SLC25A21: variants seen among roughly 807,000 people sequenced by gnomAD.
The protein encoded by SLC25A21 is mitochondrial 2-oxodicarboxylate carrier.
Under a neutral mutation model 43.8 loss-of-function variants are expected in SLC25A21, and 47 were observed. The ratio of observed to expected loss-of-function variants is 1.07; its 90% CI spans 0.85 to 1.37. SLC25A21 has a LOEUF of 1.37. Ranked by LOEUF, SLC25A21 falls within the 40% of genes most tolerant of loss-of-function variation. The pLI is 0.00. For missense variants in SLC25A21, 352 were observed against 350.2 expected (o/e 1.00, Z -0.04); for synonymous variants, 131 against 121.3 (o/e 1.08, Z -0.52).
intron 1 of SLC25A21, among the ~76,000 whole-genome samples, chr14:37,094,516 A>C (rs376455903): frequency 2.3e-4 from 35 of 152,308 alleles, no homozygotes; most frequent in East Asian, 1.7e-3. Context: ...TCAAAATGTA[A>C]AACCAAATGT....
At chr14:36,894,716 C>T (rs1411510792) in intron 1 of SLC25A21, among the ~76,000 whole-genome samples, 2 of 152,144 alleles carry the variant, frequency 1.3e-5, no homozygotes, top group Admixed American at 1.3e-4. Flanking sequence ...TACTTCCCAT[C>T]AATACCTAAT....
chr14:36,826,074 C>T (rs1275440793), intron 2 of SLC25A21, among the ~76,000 whole-genome samples: 1 of 152,192 alleles, frequency 6.6e-6, no homozygotes, highest in Non-Finnish European at 1.5e-5. Flanking sequence ...CTGTACTGGT[C>T]ACCCAAGTGT....
chr14:37,052,824 G>T (rs1313050788), intron 1 of SLC25A21, among the ~76,000 whole-genome samples: 1 of 152,078 alleles, frequency 6.6e-6, no homozygotes, highest in African/African-American at 2.4e-5. Context: ...TTTTAGTAGA[G>T]ATGGGGTTTC....
At chr14:36,747,097 A>C (rs1237067447) in intron 3 of SLC25A21, among the ~76,000 whole-genome samples, 2 of 152,218 alleles carry the variant, frequency 1.3e-5, no homozygotes, top group Non-Finnish European at 2.9e-5. Flanking sequence ...ATCCATATTA[A>C]CAGTTGGAAT....
At position 36,969,557 on chromosome 14, in the gene SLC25A21, T is replaced by C. The variant is rs562311391; in HGVS notation, c.71-94553A>G. ...AGGCTGGAGTGCAGTGGTGCAATCA[T>C]AGAGCACTATAGCTTCCAACTCCTA... On this transcript the variant is annotated intron_variant, in intron 1 of 9. Coordinates refer to ENST00000331299, the MANE Select transcript of SLC25A21 (RefSeq NM_030631.4). 4.6e-5 allele frequency among the ~76,000 whole-genome samples: 7 copies of C among 152,014 alleles called. No individual in the cohort carries two copies. The East Asian group carries it at 1.4e-3, about 29-fold the overall frequency.
chr14:36,852,926 C>T (rs1255536053), intron 2 of SLC25A21, among the ~76,000 whole-genome samples: 2 of 152,092 alleles, frequency 1.3e-5, no homozygotes, highest in African/African-American at 4.8e-5. Context: ...GAAATGGAAT[C>T]AAATTGCTTC....
chr14:36,696,369 CT>C (rs1193565376), intron 7 of SLC25A21, among the ~76,000 whole-genome samples: 2 of 152,104 alleles, frequency 1.3e-5, no homozygotes, highest in African/African-American at 4.8e-5. Flanking sequence ...CTGAAATTCT[CT>C]TTTTTTGTTG....
At chr14:36,947,047 T>C (rs927137524) in intron 1 of SLC25A21, among the ~76,000 whole-genome samples, 1 of 152,200 alleles carries the variant, frequency 6.6e-6, no homozygotes, top group African/African-American at 2.4e-5. Flanking sequence ...TCAGCAAAAG[T>C]TTCTAAGTCA....
At chr14:36,782,909 A>T (rs1300004171) in intron 3 of SLC25A21, among the ~76,000 whole-genome samples, 3 of 151,224 alleles carry the variant, frequency 2.0e-5, no homozygotes. Context: ...ATATGTAACT[A>T]ACCTGCACAA....
intron 1 of SLC25A21, among the ~76,000 whole-genome samples, chr14:37,044,197 G>C (rs1005582483): frequency 6.6e-6 from 1 of 151,930 alleles, no homozygotes; most frequent in Non-Finnish European, 1.5e-5. Context: ...ACAAGTAAAA[G>C]TATGTAAAGT....
intron 1 of SLC25A21, among the ~76,000 whole-genome samples, chr14:37,048,808 A>G (rs914136390): frequency 2.0e-5 from 3 of 152,190 alleles, no homozygotes; most frequent in Non-Finnish European, 4.4e-5. Flanking sequence ...GCAGACTTGA[A>G]ATTCAAAGGG....
intron 2 of SLC25A21, among the ~76,000 whole-genome samples, chr14:36,857,544 C>T (rs1215580487): frequency 2.6e-5 from 4 of 152,204 alleles, no homozygotes; most frequent in African/African-American, 9.6e-5. Context: ...AGAATCATGA[C>T]TTATCACTAA....
chr14:37,113,984 T>C (rs1963064545), intron 1 of SLC25A21, among the ~76,000 whole-genome samples: 1 of 152,134 alleles, frequency 6.6e-6, no homozygotes, highest in African/African-American at 2.4e-5. Flanking sequence ...TATTTACAAA[T>C]ATTTGAATAA....
At chr14:36,881,584 CT>C (rs928562921) in intron 1 of SLC25A21, among the ~76,000 whole-genome samples, 61 of 152,216 alleles carry the variant, frequency 4.0e-4, no homozygotes, top group East Asian at 7.7e-4. Flanking sequence ...CACCCTTGCC[CT>C]TTTTTTCTAC....
At chr14:36,964,838 A>T (rs78195135) in intron 1 of SLC25A21, among the ~76,000 whole-genome samples, 2,303 of 152,262 alleles carry the variant, frequency 0.015, 56 homozygotes, top group African/African-American at 0.053. Context: ...CAGAATTACA[A>T]ACTCGCTTGT....
chr14:37,068,867 A>C (rs1333639557), intron 1 of SLC25A21, among the ~76,000 whole-genome samples: 1 of 152,210 alleles, frequency 6.6e-6, no homozygotes, highest in Non-Finnish European at 1.5e-5. Context: ...TAAAAAAAGC[A>C]ATTTTTCTCT....
intron 2 of SLC25A21, among the ~76,000 whole-genome samples, chr14:36,855,216 G>A (rs1300071944): frequency 6.6e-6 from 1 of 151,784 alleles, no homozygotes; most frequent in Admixed American, 6.6e-5. Context: ...ACCCTGTAAG[G>A]ACTTCCTGAC....
At chr14:36,968,549 C>T in intron 1 of SLC25A21, among the ~76,000 whole-genome samples, 1 of 152,174 alleles carries the variant, frequency 6.6e-6, no homozygotes, top group Admixed American at 6.5e-5. Flanking sequence ...AGGAACGTAA[C>T]CTACTACTTC....
rs761644645 is a variant in SLC25A21 at position 36,684,868 on chromosome 14, C to T, written c.661G>A (p.Ala221Thr). Reference sequence around the variant, plus strand: ...TCAAAAGGGATGTTAATGACTGAGGCTATTGTCCCCGAGAGAAGACCAATC... The same window carrying T: ...TCAAAAGGGATGTTAATGACTGAGGTTATTGTCCCCGAGAGAAGACCAATC... The part of the protein sequence containing the change: ...FGIGLLSGTI[A>T]SVINIPFDVA... Residue 221 changes from alanine to threonine, a missense_variant, in exon 8 of 10, where the codon GCC (alanine) becomes ACC (threonine). Physicochemically the swap from Ala to Thr is moderately conservative, Grantham distance 58. Coordinates refer to ENST00000331299, the MANE Select transcript of SLC25A21 (RefSeq NM_030631.4). 1.1e-5 allele frequency: 17 copies of T among 1,613,824 alleles called. No homozygotes were observed. The highest frequency in any genetic ancestry group is 1.7e-5 in the Admixed American group (1 of 59,962).
Sources: allele counts gnomAD v4.1 joint callset (sites outside exome capture counted in the v4.1 genomes callset), GRCh38; gene constraint gnomAD v4.1.1; transcripts MANE v1.5; gene names NCBI Gene and HGNC (gene_info 2026-07-23, HGNC 2026-07-21).